VPS13B: variants seen among roughly 807,000 people sequenced by gnomAD.
VPS13B encodes vacuolar protein sorting 13 homolog B, also known as intermembrane lipid transfer protein VPS13B.
In VPS13B, 285 loss-of-function variants were observed where a neutral mutation model predicts 426.4. The observed-to-expected ratio is 0.67, with a 90% CI of 0.61 to 0.74. VPS13B has a LOEUF of 0.74. Ranked by LOEUF, VPS13B falls within the 30% of genes least tolerant of loss-of-function variation. VPS13B has a pLI of 0.00. For synonymous variants in VPS13B, 1,676 were observed against 1,676.4 expected (o/e 1.00, Z 0.01); for missense variants, 4,537 against 4,782.6 (o/e 0.95, Z 1.51).
intron 19 of VPS13B, among the ~76,000 whole-genome samples, chr8:99,343,630 A>G (rs892131140): frequency 2.0e-5 from 3 of 152,212 alleles, no homozygotes; most frequent in African/African-American, 7.2e-5. Flanking sequence ...AATTAGTAGC[A>G]TTTCTGTACA....
At chr8:99,276,427 AG>A (rs1818898852) in intron 19 of VPS13B, among the ~76,000 whole-genome samples, 1 of 152,160 alleles carries the variant, frequency 6.6e-6, no homozygotes, top group South Asian at 2.1e-4. Context: ...GTCCCTATAG[AG>A]AAAAGATTTT....
At chr8:99,408,940 G>T (rs148772450) in intron 21 of VPS13B, among the ~76,000 whole-genome samples, 6 of 152,276 alleles carry the variant, frequency 3.9e-5, no homozygotes, top group Non-Finnish European at 5.9e-5. Context: ...AACTTTTTCA[G>T]ATTCCTCTAA....
intron 13 of VPS13B, among the ~76,000 whole-genome samples, chr8:99,145,753 G>A (rs1030163608): frequency 1.3e-5 from 2 of 152,142 alleles, no homozygotes; most frequent in Admixed American, 6.5e-5. Context: ...CTAGTTTTGG[G>A]CTATTACAAA....
chr8:99,347,678 C>T (rs992471045), intron 19 of VPS13B: 1 of 152,310 alleles, frequency 6.6e-6, no homozygotes, highest in Non-Finnish European at 1.5e-5. Context: ...CACTTCAACT[C>T]CTAAATAATT....
chr8:99,403,474 G>T (rs909337188), intron 21 of VPS13B, among the ~76,000 whole-genome samples: 2 of 151,538 alleles, frequency 1.3e-5, no homozygotes, highest in African/African-American at 4.9e-5. Flanking sequence ...GCTCGAACCC[G>T]GGTGGCAGAG....
intron 17 of VPS13B, among the ~76,000 whole-genome samples, chr8:99,250,239 GT>G (rs1172208939): frequency 2.0e-5 from 3 of 152,164 alleles, no homozygotes; most frequent in Middle Eastern, 3.4e-3. Context: ...TTATTGTTGA[GT>G]TTTGAAGCCT....
chr8:99,019,409 A>G (rs1467438387), intron 2 of VPS13B, among the ~76,000 whole-genome samples: 1 of 152,032 alleles, frequency 6.6e-6, no homozygotes, highest in African/African-American at 2.4e-5. Context: ...GGGTTTCACC[A>G]TGTTGGCCAG....
At chr8:99,813,000 G>A (rs1813803971) in intron 44 of VPS13B, among the ~76,000 whole-genome samples, 1 of 152,152 alleles carries the variant, frequency 6.6e-6, no homozygotes, top group Non-Finnish European at 1.5e-5. Context: ...AAAAAATTAA[G>A]TAGCTGTCTT....
chr8:99,334,836 C>T (rs1045914515), intron 19 of VPS13B, among the ~76,000 whole-genome samples: 2 of 152,092 alleles, frequency 1.3e-5, no homozygotes, highest in Admixed American at 6.6e-5. Flanking sequence ...GGTTGTGTCT[C>T]TGCCCTGCTT....
intron 30 of VPS13B, among the ~76,000 whole-genome samples, chr8:99,541,458 C>T (rs1358063306): frequency 1.3e-5 from 2 of 152,078 alleles, no homozygotes; most frequent in African/African-American, 4.8e-5. Context: ...GTTTTAAGCT[C>T]TGCATGCATT....
Position 99,511,290 on chromosome 8 carries a change from G to A in VPS13B, c.4411G>A (p.Ala1471Thr), listed in dbSNP as rs2133637595. The change falls in exon 29 of 62, where the codon GCA becomes ACA. Residue 1471 changes from alanine (A) to threonine (T), a missense_variant. This residue lies in a region of VPS13B where 4,311 missense variants were observed against 4,474.3 expected (regional missense o/e 0.96). Coordinates refer to ENST00000357162, the MANE Select transcript of VPS13B (RefSeq NM_152564.5). ...PHFLHEILLS[A>T]QAFDIVLYFP... The stretch of plus-strand genomic sequence containing the variant: ...TTTTCTTCATGAAATTCTTCTTTCA[G>A]CACAAGCTTTTGATATTGTTCTTTA... The A allele has an allele frequency of 6.2e-7, 1 of 1,613,944 alleles. No homozygotes were observed. Among genetic ancestry groups the A allele is most frequent in the East Asian group, 2.2e-5 (1 of 44,858 alleles).
At chr8:99,360,341 G>C (rs975846580) in intron 19 of VPS13B, among the ~76,000 whole-genome samples, 2 of 147,168 alleles carry the variant, frequency 1.4e-5, no homozygotes, top group East Asian at 2.0e-4. Flanking sequence ...GCAGTGGCAC[G>C]ATCTCAGCTC....
chr8:99,348,940 C>G (rs1256081614), intron 19 of VPS13B, among the ~76,000 whole-genome samples: 1 of 152,072 alleles, frequency 6.6e-6, no homozygotes, highest in Non-Finnish European at 1.5e-5. Context: ...AAATTTATAA[C>G]ACTTCAAGTA....
At chr8:99,624,507 T>G (rs1828517965) in intron 33 of VPS13B, among the ~76,000 whole-genome samples, 1 of 152,172 alleles carries the variant, frequency 6.6e-6, no homozygotes, top group African/African-American at 2.4e-5. Context: ...TCCCTGCTAT[T>G]TATAAAATGT....
At chr8:99,337,400 T>G in intron 19 of VPS13B, among the ~76,000 whole-genome samples, 1 of 150,414 alleles carries the variant, frequency 6.6e-6, no homozygotes. Flanking sequence ...CTTTAGGAGA[T>G]ATACCTAATG....
intron 17 of VPS13B, among the ~76,000 whole-genome samples, chr8:99,250,623 G>A (rs1817449610): frequency 1.9e-5 from 2 of 105,380 alleles, no homozygotes; most frequent in East Asian, 6.5e-4. Context: ...TTTTGTCTCT[G>A]TTTGGGTTCT....
chr8:99,234,029 C>G, intron 17 of VPS13B: 1 of 775,210 alleles, frequency 1.3e-6, no homozygotes, highest in Admixed American at 1.7e-5. Flanking sequence ...GACCATGGCA[C>G]CAACAAACTG....
rs1219799193 is a variant in VPS13B, at chr8:99,876,511, AC to A, written c.*846del. 6.6e-6 allele frequency: 1 copy of A among 152,210 alleles called. No individual in the cohort carries two copies. The highest frequency in any genetic ancestry group is 2.4e-5 in the African/African-American group (1 of 41,446). 9.4% of individuals were successfully genotyped at this position (152,210 alleles called of 1,614,324 possible). Reference sequence around the variant, plus strand: ...CAGGTGAGTTTCTCTAGTTCCATAAACAAAACATACATAGTGGGAACTCCCT... The same window carrying A: ...CAGGTGAGTTTCTCTAGTTCCATAAAAAAACATACATAGTGGGAACTCCCT... On this transcript the variant is annotated 3_prime_UTR_variant, in exon 62 of 62. Coordinates refer to ENST00000357162, the MANE Select transcript of VPS13B (RefSeq NM_152564.5).
chr8:99,754,199 T>A (rs1054522893), intron 39 of VPS13B, among the ~76,000 whole-genome samples: 1 of 151,834 alleles, frequency 6.6e-6, no homozygotes, highest in African/African-American at 2.4e-5. Context: ...GAAATAATAT[T>A]ATAAGCTAAA....
Sources: gnomAD v4.1 joint callset for allele counts (sites outside exome capture counted in the v4.1 genomes callset) on GRCh38, gnomAD v4.1.1 for gene constraint, gnomAD v4.1.1 regional missense constraint, MANE v1.5 for transcripts, NCBI Gene and HGNC (gene_info 2026-07-23, HGNC 2026-07-21) for gene names.